Variants in MBNL3 observed in about 807,000 individuals in gnomAD.
The protein encoded by MBNL3 is muscleblind like splicing regulator 3, also known as muscleblind-like protein 3.
Under a neutral mutation model 24.5 loss-of-function variants are expected in MBNL3, and 6 were observed. The observed-to-expected ratio is 0.25, with a 90% confidence interval of 0.13 to 0.48. MBNL3 has a LOEUF of 0.48. Among genes scored for constraint, MBNL3 ranks in the 20% least tolerant of loss-of-function variants. The pLI, the probability that MBNL3 is intolerant of heterozygous loss-of-function variation, is 0.99. For synonymous variants in MBNL3, 100 were observed against 101.7 expected, an observed-to-expected ratio of 0.98 and a Z score of 0.10; for missense variants, 230 against 293.5, an observed-to-expected ratio of 0.78 and a Z score of 1.58.
intron 1 of MBNL3, among the ~76,000 whole-genome samples, chrX:132,484,687 G>T (rs981675917): frequency 2.7e-5 from 3 of 111,483 alleles, no homozygotes; most frequent in Non-Finnish European, 3.8e-5. Flanking sequence ...TTCTGTCCAG[G>T]TTGCCTTTTC....
intron 2 of MBNL3, among the ~76,000 whole-genome samples, chrX:132,406,680 T>C (rs1187891060): frequency 2.7e-5 from 3 of 112,123 alleles, no homozygotes; most frequent in Non-Finnish European, 5.6e-5. Flanking sequence ...TTTTTATTGA[T>C]GTTAAGCACT....
intron 3 of MBNL3, 91 bp from the exon 4 acceptor site, chrX:132,392,425 A>C: frequency 2.9e-6 from 2 of 686,482 alleles, no homozygotes; most frequent in Non-Finnish European, 4.1e-6. Flanking sequence ...CATCAAAATT[A>C]CTTATGCCAC....
At chrX:132,476,560 G>A (rs184914441) in intron 1 of MBNL3, among the ~76,000 whole-genome samples, 35 of 111,835 alleles carry the variant, frequency 3.1e-4, no homozygotes, top group African/African-American at 1.1e-3. Flanking sequence ...GCCTACTGAA[G>A]GAAATTTCCA....
chrX:132,427,147 T>C (rs960259086), intron 2 of MBNL3, among the ~76,000 whole-genome samples: 3 of 111,708 alleles, frequency 2.7e-5, no homozygotes, highest in Non-Finnish European at 3.8e-5. Flanking sequence ...GCTGATAGAA[T>C]GTTTCATTTC....
At position 132,476,616 on chromosome X, in the gene MBNL3, C is replaced by A. The variant is rs763497707; in HGVS notation, c.-704+12235G>T. ...CTCACCTGTCAAAGGTCTTGAGTTC[C>A]ATGTATACCTTAAAGTTTCAAATGT... On this transcript the variant is annotated intron_variant, in intron 1 of 8. Transcript: ENST00000370853. Among the ~76,000 whole-genome samples, 3 of 111,974 alleles carry A rather than the reference C, an allele frequency of 2.7e-5. No homozygotes were observed. In the South Asian group the frequency reaches 1.1e-3, roughly 42 times the overall value.
In MBNL3 at chrX:132,374,747, A is replaced by G. The variant is rs1933969623; in HGVS notation, c.*4919T>C. 8.9e-6 allele frequency: 1 copy of G among 111,919 alleles called. No individual in the cohort carries two copies. The highest frequency in any genetic ancestry group is 1.9e-5 in the Non-Finnish European group (1 of 53,029). The allele number at this position is 111,919 out of a possible 1,213,427, so 9.2% of individuals were successfully genotyped here. A position where few individuals can be genotyped will look rare whatever the true frequency, so the allele number is the denominator to read the frequency against. The stretch of plus-strand genomic sequence containing the variant: ...AAACACTGTTAAGGGGTCATTCCAC[A>G]GTATCTTTATGTATAGTTTTAAAAA... On this transcript the variant is annotated 3_prime_UTR_variant, in exon 9 of 9. Transcript: ENST00000370853.
rs190078422 is a variant in MBNL3, at chrX:132,379,992, C to G, written c.1054-315G>C. Among the ~76,000 whole-genome samples the G allele has an allele frequency of 2.0e-4, 22 of 112,522 alleles. No individual in the cohort carries two copies. In the East Asian group the frequency reaches 3.9e-3, roughly 20 times the overall value. ...ACCCATGTGTCCACCTTTCAACAGG[C>G]ATGTACTGAGAAAACATGTTTGATA... On this transcript the variant is annotated intron_variant, in intron 8 of 8. Coordinates refer to ENST00000370853, the MANE Select transcript of MBNL3 (RefSeq NM_001386889.1).
chrX:132,409,256 T>C (rs1171377089), intron 2 of MBNL3, among the ~76,000 whole-genome samples: 2 of 112,456 alleles, frequency 1.8e-5, no homozygotes, highest in Non-Finnish European at 3.8e-5. Context: ...TTGTTTTTTT[T>C]ACATCTGTTA....
intron 1 of MBNL3, among the ~76,000 whole-genome samples, chrX:132,456,196 G>A (rs1404227833): frequency 4.5e-5 from 5 of 111,923 alleles, no homozygotes; most frequent in Admixed American, 9.5e-5. Flanking sequence ...TTACCTCTGT[G>A]AGCCCATTTC....
At chrX:132,442,476 A>T (rs1029053875) in intron 1 of MBNL3, among the ~76,000 whole-genome samples, 17 of 111,860 alleles carry the variant, frequency 1.5e-4, no homozygotes, top group African/African-American at 5.5e-4. Context: ...ACTCTGAAAG[A>T]GTATGATATT....
intron 4 of MBNL3, 147 bp downstream of exon 4, chrX:132,391,996 A>T (rs1265020146): frequency 2.4e-6 from 1 of 424,926 alleles, no homozygotes; most frequent in African/African-American, 2.5e-5. Context: ...ACAAGGTATG[A>T]TTGCAGTACT....
chrX:132,413,582 C>T (rs909265492), intron 2 of MBNL3: 2 of 1,114,014 alleles, frequency 1.8e-6, no homozygotes, highest in Non-Finnish European at 2.4e-6. Context: ...CCCCAGCTTA[C>T]CTGATCAGCT....
chrX:132,456,206 C>T lies in MBNL3; in HGVS notation c.-703-15892G>A, dbSNP rs778642397. Among the ~76,000 whole-genome samples the T allele has an allele frequency of 2.0e-3, 224 of 112,152 alleles. 1 individual carries two copies. The highest frequency in any genetic ancestry group is 2.5e-3 in the Non-Finnish European group (133 of 53,215). ...TGTGTTTACCTCTGTGAGCCCATTT[C>T]TCCTGTTATCCTCTGGTCTGGATAA... On this transcript the variant is annotated intron_variant, in intron 1 of 8. Coordinates refer to ENST00000370853, the MANE Select transcript of MBNL3 (RefSeq NM_001386889.1).
intron 1 of MBNL3, among the ~76,000 whole-genome samples, chrX:132,454,017 G>A (rs1446940983): frequency 8.9e-6 from 1 of 111,992 alleles, no homozygotes; most frequent in Non-Finnish European, 1.9e-5. Context: ...GCTTGAGCCT[G>A]GGAGGCAGAG....
chrX:132,420,089 A>C (rs1485604679), intron 2 of MBNL3, among the ~76,000 whole-genome samples: 2 of 111,323 alleles, frequency 1.8e-5, no homozygotes, highest in Non-Finnish European at 1.9e-5. Context: ...TCTTGGCCTC[A>C]TGGATTCCAA....
chrX:132,379,827 G>T (rs1934516071), intron 8 of MBNL3, 150 bp from the exon 9 acceptor site: 1 of 455,022 alleles, frequency 2.2e-6, no homozygotes, highest in Non-Finnish European at 3.8e-6. Context: ...ATTGAAATGG[G>T]GCTTTTGAGA....
chrX:132,418,764 T>C (rs1452818290), intron 2 of MBNL3, among the ~76,000 whole-genome samples: 2 of 112,181 alleles, frequency 1.8e-5, no homozygotes, highest in Non-Finnish European at 3.8e-5. Flanking sequence ...TGTTTTTGTT[T>C]GTTTGTTTGG....
intron 2 of MBNL3, among the ~76,000 whole-genome samples, chrX:132,433,770 T>C (rs1432060079): frequency 1.8e-5 from 2 of 110,363 alleles, no homozygotes; most frequent in Admixed American, 9.6e-5. Context: ...CCTGCCCTCA[T>C]CTCCCACTGC....
At position 132,378,090 on chromosome X, in the gene MBNL3, T is replaced by G. The variant is rs1934305101; in HGVS notation, c.*1576A>C. 2 of 110,149 alleles carry G rather than the reference T, an allele frequency of 1.8e-5. No individual in the cohort carries two copies. The highest frequency in any genetic ancestry group is 3.8e-5 in the Non-Finnish European group (2 of 52,732). The allele number at this position is 110,149 out of a possible 1,213,427, so 9.1% of individuals were successfully genotyped here. On this transcript the variant is annotated 3_prime_UTR_variant, in exon 9 of 9. Transcript: ENST00000370853. ...CAAAGGGTGATAAAACCCTTTCTAT[T>G]GTCATTTTCAAACATATATAAAGGC... is the stretch of plus-strand genomic sequence containing the variant.
Sources: allele counts gnomAD v4.1 joint callset (sites outside exome capture counted in the v4.1 genomes callset), GRCh38; gene constraint gnomAD v4.1.1; transcripts MANE v1.5; gene names NCBI Gene and HGNC (gene_info 2026-07-23, HGNC 2026-07-21).